PRKCZ: variants seen among roughly 807,000 people sequenced by gnomAD.
PRKCZ encodes the protein protein kinase C zeta.
Under a neutral mutation model 79.5 loss-of-function variants are expected in PRKCZ, and 33 were observed. That is an observed-to-expected ratio of 0.41 (90% confidence interval 0.31 to 0.55). PRKCZ has a LOEUF of 0.55. PRKCZ is among the 20% of genes least tolerant of loss of function. The probability of loss-of-function intolerance (pLI) is 0.19; values close to 1 mark genes in which losing one functional copy is unlikely to be tolerated. For synonymous variants in PRKCZ, 342 were observed against 320.9 expected (o/e 1.07, Z -0.70); for missense variants, 578 against 813.5 (o/e 0.71, Z 3.52).
chr1:2,160,018 G>A (rs928025715), intron 10 of PRKCZ, among the ~76,000 whole-genome samples: 2 of 152,086 alleles, frequency 1.3e-5, no homozygotes, highest in South Asian at 4.1e-4. Flanking sequence ...CTTAAAATAC[G>A]CCCATTCACT....
intron 4 of PRKCZ, among the ~76,000 whole-genome samples, chr1:2,091,522 G>A (rs1312040985): frequency 3.3e-5 from 5 of 152,188 alleles, no homozygotes; most frequent in African/African-American, 4.8e-5. Context: ...CGCCGTCCTC[G>A]CTGACACTCC....
rs1289527992 is a variant in PRKCZ at position 2,174,138 on chromosome 1, G to A, written c.1405+122G>A. On this transcript the variant is annotated intron_variant, in intron 14 of 17. Coordinates refer to ENST00000378567, the MANE Select transcript of PRKCZ (RefSeq NM_002744.6). The surrounding 1 kb of genome is among the most constrained non-coding windows in gnomAD (Gnocchi z 6.2). ...CGGCAGTGCCATGCAAAGCGTACCG[G>A]GAACCATTCCTCCTGGCCAGACCCT... 3.1e-6 allele frequency: 4 copies of A among 1,300,696 alleles called. No individual in the cohort carries two copies. The highest frequency in any genetic ancestry group is 4.1e-6 in the Non-Finnish European group (4 of 979,600). 80.6% of individuals were successfully genotyped at this position (1,300,696 alleles called of 1,614,324 possible). A position where few individuals can be genotyped will look rare whatever the true frequency, so the allele number is the denominator to read the frequency against.
chr1:2,144,768 T>G (rs2103122310), intron 6 of PRKCZ: 1 of 461,238 alleles, frequency 2.2e-6, no homozygotes, highest in South Asian at 6.9e-5. Context: ...ATGCCCAGCC[T>G]GTGATGAGGG....
chr1:2,134,183 G>T (rs1321071897), intron 4 of PRKCZ, among the ~76,000 whole-genome samples: 1 of 152,216 alleles, frequency 6.6e-6, no homozygotes, highest in Non-Finnish European at 1.5e-5. Flanking sequence ...TTTGACCTGC[G>T]CTCCTGGAGG....
chr1:2,059,504 A>C (rs778386378), intron 3 of PRKCZ, 37 bp from the exon 4 acceptor site: 1 of 1,612,408 alleles, frequency 6.2e-7, no homozygotes, highest in Non-Finnish European at 8.5e-7. Flanking sequence ...TGGCAGCCGC[A>C]GGGTCTTGAC....
chr1:2,151,697 T>C (rs1423754847), intron 9 of PRKCZ, among the ~76,000 whole-genome samples: 2 of 152,228 alleles, frequency 1.3e-5, no homozygotes, highest in Non-Finnish European at 2.9e-5. Flanking sequence ...GGTCTTACTC[T>C]GTCACCCAGA....
intron 4 of PRKCZ, among the ~76,000 whole-genome samples, chr1:2,069,144 G>A (rs1415337971): frequency 6.6e-6 from 1 of 152,168 alleles, no homozygotes; most frequent in African/African-American, 2.4e-5. Context: ...CAACCAATGC[G>A]ACCCCCGGCA....
rs184013841 is a variant in PRKCZ, at chr1:2,111,971, C to A, written c.335-23291C>A. ...GAAGGGCAGTGCCGTGTGCCAGCCT[C>A]CCAGTTGGCACCTTCCTTTCACCTT... is the stretch of plus-strand genomic sequence containing the variant. On this transcript the variant is annotated intron_variant, in intron 4 of 17. Coordinates refer to ENST00000378567, the MANE Select transcript of PRKCZ (RefSeq NM_002744.6). 2.9e-3 allele frequency among the ~76,000 whole-genome samples: 440 copies of A among 152,338 alleles called. 1 individual carries two copies. The highest frequency in any genetic ancestry group is 9.9e-3 in the African/African-American group (413 of 41,576).
intron 1 of PRKCZ, among the ~76,000 whole-genome samples, chr1:2,051,893 C>T (rs1019696534): frequency 6.6e-6 from 1 of 152,156 alleles, no homozygotes; most frequent in Admixed American, 6.5e-5. Context: ...CTGTGGCAAG[C>T]ACCTGGAACC....
intron 17 of PRKCZ, 58 bp downstream of exon 17, chr1:2,184,756 C>T (rs1421108487): frequency 1.4e-5 from 22 of 1,528,368 alleles, no homozygotes; most frequent in South Asian, 7.0e-5. Flanking sequence ...CATGGCAGGC[C>T]GGCACCTTGG....
chr1:2,103,366 T>C (rs1186182900), intron 4 of PRKCZ, among the ~76,000 whole-genome samples: 1 of 151,978 alleles, frequency 6.6e-6, no homozygotes, highest in Non-Finnish European at 1.5e-5. Flanking sequence ...TTATCAAGAC[T>C]GATTTATTTA....
Position 2,128,258 on chromosome 1 carries a change from G to A in PRKCZ, c.335-7004G>A, listed in dbSNP as rs535319507. On this transcript the variant is annotated intron_variant, in intron 4 of 17. Coordinates refer to ENST00000378567, the MANE Select transcript of PRKCZ (RefSeq NM_002744.6). This position sits in a 1 kb window ranked among gnomAD's most constrained non-coding sequence, Gnocchi z 6.5. ...ACTGCCTTGCACCCATCCGGGCCCC[G>A]CAGGGCCGTCCTGTGGCACTGCTTT... Among the ~76,000 whole-genome samples, 5 of 152,312 alleles carry A rather than the reference G, an allele frequency of 3.3e-5. No individual in the cohort carries two copies. Among genetic ancestry groups the A allele is most frequent in the Admixed American group, 6.5e-5 (1 of 15,306 alleles).
At chr1:2,078,138 C>A (rs1312474020) in intron 4 of PRKCZ, among the ~76,000 whole-genome samples, 1 of 152,256 alleles carries the variant, frequency 6.6e-6, no homozygotes, top group Middle Eastern at 3.2e-3. Context: ...GTGGGGCTTC[C>A]CTGTGCCCCG....
intron 16 of PRKCZ, among the ~76,000 whole-genome samples, chr1:2,175,771 G>A (rs997217170): frequency 4.7e-4 from 71 of 152,172 alleles, no homozygotes; most frequent in South Asian, 4.1e-4. Context: ...GACACATTTC[G>A]TCCTCCGGAG....
chr1:2,054,458 G>A (rs766072586), intron 1 of PRKCZ, among the ~76,000 whole-genome samples: 3 of 152,062 alleles, frequency 2.0e-5, no homozygotes, highest in South Asian at 2.1e-4. Context: ...CAGCAGGGAA[G>A]TGCCAGCCTT....
chr1:2,099,162 G>C (rs985663060), intron 4 of PRKCZ, among the ~76,000 whole-genome samples: 1 of 152,098 alleles, frequency 6.6e-6, no homozygotes, highest in Non-Finnish European at 1.5e-5. Flanking sequence ...TGTGGGACCC[G>C]GCACTCCTTC....
At chr1:2,068,813 C>T (rs1571146461) in intron 4 of PRKCZ, among the ~76,000 whole-genome samples, 1 of 152,206 alleles carries the variant, frequency 6.6e-6, no homozygotes, top group African/African-American at 2.4e-5. Flanking sequence ...TGGCGCTGGT[C>T]ATTGGGACCA....
intron 5 of PRKCZ, among the ~76,000 whole-genome samples, chr1:2,137,974 C>CAG (rs1676558725): frequency 6.6e-6 from 1 of 152,232 alleles, no homozygotes; most frequent in African/African-American, 2.4e-5. Flanking sequence ...AGGGCGGCTG[C>CAG]CCTGCAGTTC....
At chr1:2,051,194 C>T (rs2102180840) in intron 1 of PRKCZ, among the ~76,000 whole-genome samples, 1 of 152,270 alleles carries the variant, frequency 6.6e-6, no homozygotes, top group Admixed American at 6.5e-5. Context: ...GGCGGTCGGG[C>T]GGGGACAGGG....
Sources: allele counts gnomAD v4.1 joint callset (sites outside exome capture counted in the v4.1 genomes callset), GRCh38; gene constraint gnomAD v4.1.1; non-coding constraint Gnocchi (gnomAD v3.1); transcripts MANE v1.5; gene names NCBI Gene and HGNC (gene_info 2026-07-23, HGNC 2026-07-21).